The following KCNH5 variants were observed in gnomAD, a reference collection of about 807,000 sequenced individuals.
The protein encoded by KCNH5 is voltage-gated delayed rectifier potassium channel KCNH5.
A neutral mutation model predicts 96.1 loss-of-function variants in KCNH5; 46 were observed. The ratio of observed to expected loss-of-function variants is 0.48; its 90% CI spans 0.38 to 0.61. The LOEUF is 0.61. Ranked by LOEUF, KCNH5 falls within the 20% of genes least tolerant of loss-of-function variation. KCNH5 has a pLI of 0.00. For synonymous variants in KCNH5, 439 were observed against 449.8 expected, an observed-to-expected ratio of 0.98 and a Z score of 0.30; for missense variants, 907 against 1,225.8, an observed-to-expected ratio of 0.74 and a Z score of 3.88.
At chr14:62,742,190 T>C (rs1254133558) in intron 10 of KCNH5, among the ~76,000 whole-genome samples, 1 of 152,024 alleles carries the variant, frequency 6.6e-6, no homozygotes, top group Non-Finnish European at 1.5e-5. Context: ...CTATGCAGCA[T>C]ATGGTTCCAC....
chr14:63,009,464 G>A (rs747359132), intron 2 of KCNH5, among the ~76,000 whole-genome samples: 13 of 151,800 alleles, frequency 8.6e-5, no homozygotes, highest in African/African-American at 1.5e-4. Flanking sequence ...ATTAAAATCC[G>A]AATGCGGTTT....
chr14:63,003,471 ATT>A (rs1491089700), intron 3 of KCNH5, among the ~76,000 whole-genome samples: 1 of 131,202 alleles, frequency 7.6e-6, no homozygotes, highest in Non-Finnish European at 1.5e-5. Context: ...TTTTATATAT[ATT>A]ATATATATTT....
chr14:62,909,529 T>C (rs1889109092), intron 7 of KCNH5, among the ~76,000 whole-genome samples: 1 of 152,106 alleles, frequency 6.6e-6, no homozygotes, highest in South Asian at 2.1e-4. Flanking sequence ...CCTCAACCTC[T>C]CTCTCTCTTC....
At chr14:62,967,932 T>G (rs889477940) in intron 6 of KCNH5, among the ~76,000 whole-genome samples, 2 of 152,178 alleles carry the variant, frequency 1.3e-5, no homozygotes, top group Non-Finnish European at 2.9e-5. Flanking sequence ...TAAAAAAATT[T>G]TTATGTAAAC....
intron 10 of KCNH5, among the ~76,000 whole-genome samples, chr14:62,767,357 T>C (rs1294654773): frequency 6.6e-6 from 1 of 152,146 alleles, no homozygotes; most frequent in African/African-American, 2.4e-5. Flanking sequence ...CATTCTACCA[T>C]AAAGACACAC....
chr14:62,810,203 CCCTCG>C (rs2140006732), intron 8 of KCNH5, among the ~76,000 whole-genome samples: 2 of 152,146 alleles, frequency 1.3e-5, no homozygotes, highest in Non-Finnish European at 2.9e-5. Flanking sequence ...TTATAAATGG[CCCTCG>C]CCATACTGAT....
At chr14:63,022,517 C>T (rs773621233) in intron 1 of KCNH5, among the ~76,000 whole-genome samples, 1 of 152,152 alleles carries the variant, frequency 6.6e-6, no homozygotes, top group Non-Finnish European at 1.5e-5. Flanking sequence ...CCTTTAACAT[C>T]CTTCTTTTGG....
chr14:63,040,947 C>T (rs1891812191), intron 1 of KCNH5, among the ~76,000 whole-genome samples: 1 of 151,910 alleles, frequency 6.6e-6, no homozygotes, highest in African/African-American at 2.4e-5. Context: ...TTCCTGAACC[C>T]CTTTTTTCCC....
intron 8 of KCNH5, among the ~76,000 whole-genome samples, chr14:62,812,950 T>A (rs1028578900): frequency 1.3e-5 from 2 of 152,154 alleles, no homozygotes; most frequent in African/African-American, 4.8e-5. Context: ...ATCAAATATT[T>A]ATGGCACAAT....
At chr14:62,909,256 G>A (rs1469673656) in intron 7 of KCNH5, among the ~76,000 whole-genome samples, 18 of 150,684 alleles carry the variant, frequency 1.2e-4, no homozygotes, top group Admixed American at 5.3e-4. Flanking sequence ...CGTTTTAGCC[G>A]GGATGGTCTC....
intron 1 of KCNH5, among the ~76,000 whole-genome samples, chr14:63,018,685 C>A (rs896381969): frequency 6.6e-6 from 1 of 151,968 alleles, no homozygotes; most frequent in African/African-American, 2.4e-5. Context: ...ATCTTAAAAT[C>A]AAGTCTCTTC....
rs200836915 is a variant in KCNH5, at chr14:62,961,904, CAGATGG to C, written c.943-11351_943-11346del. 1.7e-3 allele frequency among the ~76,000 whole-genome samples: 236 copies of C among 141,420 alleles called. 3 individuals are homozygous for C. Among genetic ancestry groups the C allele is most frequent in the East Asian group, 0.012 (58 of 4,750 alleles). 92.8% of individuals were successfully genotyped at this position (141,420 alleles called of 152,430 possible). Reference sequence around the variant, plus strand: ...GAAGGAGATGGAGATGGAGATGATGCAGATGGAGATGGAGATGGAGATGGAGATGCA... The same window carrying C: ...GAAGGAGATGGAGATGGAGATGATGCAGATGGAGATGGAGATGGAGATGCA... On this transcript the variant is annotated intron_variant, in intron 6 of 10. Transcript: ENST00000322893.
Position 62,706,273 on chromosome 14 carries a change from T to G in KCNH5, c.*1235A>C, listed in dbSNP as rs1367566381. The G allele has an allele frequency of 6.6e-6, 1 of 152,100 alleles. No homozygotes were observed. Among genetic ancestry groups the G allele is most frequent in the Non-Finnish European group, 1.5e-5 (1 of 67,956 alleles). The allele number at this position is 152,100 out of a possible 1,614,324, so 9.4% of individuals were successfully genotyped here. ...GCTTATTGAATCAACTCAGCAGAAG[T>G]CCAGCAGTAGAACTGTGTGCAAAAA... On this transcript the variant is annotated 3_prime_UTR_variant, in exon 11 of 11. Transcript: ENST00000322893.
chr14:63,033,197 T>C (rs2139625740), intron 1 of KCNH5, among the ~76,000 whole-genome samples: 1 of 152,148 alleles, frequency 6.6e-6, no homozygotes, highest in African/African-American at 2.4e-5. Context: ...GACTATGAGG[T>C]TTTTCCACTG....
chr14:62,891,150 C>A (rs943532764), intron 7 of KCNH5, among the ~76,000 whole-genome samples: 2 of 152,128 alleles, frequency 1.3e-5, no homozygotes, highest in African/African-American at 4.8e-5. Context: ...GACATGGAAT[C>A]AACCTAAATG....
intron 4 of KCNH5, among the ~76,000 whole-genome samples, chr14:62,993,060 T>C (rs1484290369): frequency 6.6e-6 from 1 of 152,128 alleles, no homozygotes; most frequent in Non-Finnish European, 1.5e-5. Flanking sequence ...GCACCAGTTA[T>C]TGAAAAAGGT....
Position 63,016,930 on chromosome 14 carries a change from G to A in KCNH5, c.98C>T (p.Ala33Val). Residue 33 changes from alanine to valine, a missense_variant, in exon 2 of 11, where the codon GCC becomes GTC. Transcript: ENST00000322893. ...AACTACAGGCCAATCCACAATCTGG[G>A]CATTTCCCAGTAAGAAACTTGATTC... The part of the protein sequence containing the change: ...SSESSFLLGN[A>V]QIVDWPVVYS... 6.2e-7 allele frequency: 1 copy of A among 1,604,552 alleles called. No individual in the cohort carries two copies. The highest frequency in any genetic ancestry group is 1.1e-5 in the South Asian group (1 of 88,624).
chr14:62,893,845 A>G (rs1888758491), intron 7 of KCNH5, among the ~76,000 whole-genome samples: 1 of 152,368 alleles, frequency 6.6e-6, no homozygotes, highest in South Asian at 2.1e-4. Context: ...TGTGGGTAAA[A>G]TCAAACAACA....
intron 10 of KCNH5, among the ~76,000 whole-genome samples, chr14:62,752,760 A>G (rs1283674339): frequency 6.6e-6 from 1 of 152,034 alleles, no homozygotes; most frequent in Non-Finnish European, 1.5e-5. Flanking sequence ...GACTTCCCAC[A>G]AGATCTGATG....
Sources: gnomAD v4.1 joint callset for allele counts (sites outside exome capture counted in the v4.1 genomes callset) on GRCh38, gnomAD v4.1.1 for gene constraint, MANE v1.5 for transcripts, NCBI Gene and HGNC (gene_info 2026-07-23, HGNC 2026-07-21) for gene names.